The following FRYL variants were observed in gnomAD, a reference collection of about 807,000 sequenced individuals.
FRYL encodes protein furry homolog-like.
Under a neutral mutation model 351.2 loss-of-function variants are expected in FRYL, and 150 were observed. The ratio of observed to expected loss-of-function variants is 0.43; its 90% CI spans 0.37 to 0.49. The LOEUF (loss-of-function observed/expected upper bound fraction) is 0.49. Among genes scored for constraint, FRYL ranks in the 20% least tolerant of loss-of-function variants. FRYL has a pLI of 0.00. For missense variants in FRYL, 3,036 were observed against 3,619.3 expected (o/e 0.84, Z 4.13); for synonymous variants, 1,153 against 1,257.1 (o/e 0.92, Z 1.75).
At position 48,617,300 on chromosome 4, in the gene FRYL, C is replaced by T. The variant is rs76467825; in HGVS notation, c.411+1974G>A. On this transcript the variant is annotated intron_variant, in intron 7 of 63. Transcript: ENST00000358350. ...ACCATGGGTCAGAAATGATTTTGTG[C>T]AGTGCAGTGAATGTGAACAATGAGT... Among the ~76,000 whole-genome samples, 707 of 149,254 alleles carry T rather than the reference C, an allele frequency of 4.7e-3. 4 individuals carry two copies. The highest frequency in any genetic ancestry group is 0.016 in the African/African-American group (665 of 40,460).
rs545612238 is a variant in FRYL, at chr4:48,753,377, C to A, written c.-384+26701G>T. Among the ~76,000 whole-genome samples, 208 of 152,120 alleles carry A rather than the reference C, an allele frequency of 1.4e-3. 1 individual carries two copies. Among genetic ancestry groups the A allele is most frequent in the African/African-American group, 4.9e-3 (202 of 41,488 alleles). On this transcript the variant is annotated intron_variant, in intron 1 of 63. Transcript: ENST00000358350. ...GAAAAGAAGGATTTCAATTTGAGTCCCTTCACAAGACTAGGAATCTCCTCT... is the reference window on the plus strand; with the variant it reads ...GAAAAGAAGGATTTCAATTTGAGTCACTTCACAAGACTAGGAATCTCCTCT...
At chr4:48,774,014 C>T (rs1775773725) in intron 1 of FRYL, among the ~76,000 whole-genome samples, 1 of 152,154 alleles carries the variant, frequency 6.6e-6, no homozygotes, top group African/African-American at 2.4e-5. Flanking sequence ...TACTTACACA[C>T]ATTGAGAGGG....
chr4:48,764,854 T>C (rs192840702), intron 1 of FRYL, among the ~76,000 whole-genome samples: 1 of 152,326 alleles, frequency 6.6e-6, no homozygotes, highest in East Asian at 1.9e-4. Context: ...AAGTGATTTT[T>C]TTTTCCCCGA....
chr4:48,541,365 G>A (rs1265130567), intron 45 of FRYL, among the ~76,000 whole-genome samples: 1 of 152,092 alleles, frequency 6.6e-6, no homozygotes, highest in African/African-American at 2.4e-5. Context: ...AAAAATTTTC[G>A]ATTTCTCCTC....
intron 7 of FRYL, chr4:48,618,697 A>G (rs1750059126): frequency 6.6e-6 from 1 of 152,164 alleles, no homozygotes. Flanking sequence ...TCATATCTTT[A>G]CTGTGTATCT....
chr4:48,666,101 C>T (rs183109225), intron 3 of FRYL, among the ~76,000 whole-genome samples: 13 of 152,320 alleles, frequency 8.5e-5, no homozygotes, highest in African/African-American at 3.1e-4. Context: ...GTGGCTTACG[C>T]CTGTAATTCC....
intron 16 of FRYL, among the ~76,000 whole-genome samples, chr4:48,593,688 A>C (rs1329513918): frequency 6.6e-6 from 1 of 152,118 alleles, no homozygotes. Flanking sequence ...TACCACGCTT[A>C]AACACCATTA....
intron 16 of FRYL, among the ~76,000 whole-genome samples, chr4:48,592,692 C>A (rs1743685123): frequency 6.6e-6 from 1 of 151,994 alleles, no homozygotes; most frequent in African/African-American, 2.4e-5. Flanking sequence ...TTCCTGTATT[C>A]CAGTGAACTA....
intron 3 of FRYL, among the ~76,000 whole-genome samples, chr4:48,682,904 A>C (rs1764769617): frequency 6.6e-6 from 1 of 152,166 alleles, no homozygotes; most frequent in Non-Finnish European, 1.5e-5. Flanking sequence ...TTGACCCAGC[A>C]ATCCCATTAC....
chr4:48,612,687 T>C (rs1748471268), intron 7 of FRYL, among the ~76,000 whole-genome samples: 1 of 152,116 alleles, frequency 6.6e-6, no homozygotes, highest in Non-Finnish European at 1.5e-5. Flanking sequence ...CACGCCATTC[T>C]CCTGCCTCAG....
intron 3 of FRYL, among the ~76,000 whole-genome samples, chr4:48,639,165 A>AC (rs1754847643): frequency 6.6e-6 from 1 of 152,022 alleles, no homozygotes; most frequent in South Asian, 2.1e-4. Context: ...AAGCAGGTCT[A>AC]CCCCCCAAGT....
rs1731659724 is a variant in FRYL at position 48,547,716 on chromosome 4, G to A, written c.4942C>T (p.His1648Tyr). 2 of 1,587,396 alleles carry A rather than the reference G, an allele frequency of 1.3e-6. No individual in the cohort carries two copies. Among genetic ancestry groups the A allele is most frequent in the South Asian group, 1.2e-5 (1 of 86,616 alleles). ...VYEHCKRLLL[H>Y]LLIVMGPNSN... Reference sequence around the variant, plus strand: ...TTGGGTCCCATTACTATTAATAAGTGCAGAAGCAGGCGTTTACAATGTTCA... The same window carrying A: ...TTGGGTCCCATTACTATTAATAAGTACAGAAGCAGGCGTTTACAATGTTCA... The change falls in exon 41 of 64, where the codon CAC (histidine) becomes TAC (tyrosine). Residue 1648 changes from histidine (H) to tyrosine (Y), a missense_variant. This residue lies in a region of FRYL where 1,987 missense variants were observed against 2,311.7 expected (regional missense o/e 0.86). Coordinates refer to ENST00000358350, the MANE Select transcript of FRYL (RefSeq NM_015030.2).
chr4:48,508,747 C>G (rs1721848688), intron 59 of FRYL, among the ~76,000 whole-genome samples: 2 of 152,170 alleles, frequency 1.3e-5, no homozygotes, highest in African/African-American at 4.8e-5. Context: ...CCTACATGGC[C>G]TCATCTTCCA....
intron 16 of FRYL, among the ~76,000 whole-genome samples, chr4:48,593,363 A>C (rs1743907938): frequency 1.4e-5 from 2 of 138,558 alleles, no homozygotes; most frequent in African/African-American, 5.3e-5. Context: ...TCATTTTTTG[A>C]GACAGAGTTT....
chr4:48,733,462 A>T (rs938830337), intron 1 of FRYL, among the ~76,000 whole-genome samples: 3 of 151,990 alleles, frequency 2.0e-5, no homozygotes, highest in Non-Finnish European at 4.4e-5. Flanking sequence ...AAATAAAAAT[A>T]AAAAAAGGAA....
chr4:48,583,292 C>T (rs1560656202), intron 19 of FRYL, among the ~76,000 whole-genome samples: 1 of 152,016 alleles, frequency 6.6e-6, no homozygotes, highest in Non-Finnish European at 1.5e-5. Flanking sequence ...GCTGGGAATG[C>T]AGGTGCCCGC....
intron 16 of FRYL, among the ~76,000 whole-genome samples, chr4:48,592,419 T>C (rs535808925): frequency 3.9e-5 from 6 of 152,012 alleles, no homozygotes; most frequent in African/African-American, 1.4e-4. Context: ...AGATCCAAGA[T>C]AATCCTAACA....
At position 48,527,488 on chromosome 4, in the gene FRYL, C is replaced by G. The variant is rs1560540242; in HGVS notation, c.7306G>C (p.Glu2436Gln). The G allele has an allele frequency of 6.2e-7, 1 of 1,611,850 alleles. No homozygotes were observed. Residue 2436 changes from glutamate to glutamine, a missense_variant, in exon 53 of 64, where the codon GAA becomes CAA. Around this residue, in one of 7 missense-constraint regions of FRYL, gnomAD observed 1,987 missense variants for 2,311.7 expected, o/e 0.86. Transcript: ENST00000358350. ...KDFDFLDVEL[E>Q]DAEGESMDNF... ...GCCCACATCCTTACCTCTGCATCTT[C>G]CAATTCAACATCTAAAAAGTCAAAA... is the stretch of plus-strand genomic sequence containing the variant.
intron 1 of FRYL, among the ~76,000 whole-genome samples, chr4:48,720,633 C>T (rs1201651305): frequency 6.6e-6 from 1 of 152,180 alleles, no homozygotes; most frequent in Non-Finnish European, 1.5e-5. Flanking sequence ...AACTCTATAC[C>T]CATTACAGTC....
Sources: allele counts gnomAD v4.1 joint callset (sites outside exome capture counted in the v4.1 genomes callset), GRCh38; gene constraint gnomAD v4.1.1; regional missense constraint gnomAD v4.1.1; transcripts MANE v1.5; gene names NCBI Gene and HGNC (gene_info 2026-07-23, HGNC 2026-07-21).